Variants in LAMA3 observed in about 807,000 individuals in gnomAD.
LAMA3 encodes the protein laminin subunit alpha-3.
Under a neutral mutation model 402.0 loss-of-function variants are expected in LAMA3, and 281 were observed. That is an observed-to-expected ratio of 0.70 (90% confidence interval 0.63 to 0.77). The LOEUF (loss-of-function observed/expected upper bound fraction) is 0.77. Among genes scored for constraint, LAMA3 ranks in the 30% least tolerant of loss-of-function variants. The pLI, the probability that LAMA3 is intolerant of heterozygous loss-of-function variation, is 0.00. For missense variants in LAMA3, 3,840 were observed against 4,215.5 expected (o/e 0.91, Z 2.47); for synonymous variants, 1,431 against 1,558.4 (o/e 0.92, Z 1.93).
chr18:23,949,666 C>T (rs1042212757), intron 70 of LAMA3, 99 bp from the exon 71 acceptor site: 12 of 1,129,528 alleles, frequency 1.1e-5, no homozygotes, highest in Non-Finnish European at 1.2e-5. Flanking sequence ...TACCTACCTT[C>T]CCCCTTTTGC....
At chr18:23,818,860 A>AT (rs889083525) in intron 18 of LAMA3, among the ~76,000 whole-genome samples, 12 of 151,256 alleles carry the variant, frequency 7.9e-5, no homozygotes, top group East Asian at 1.9e-4. Context: ...ATGGTTATGT[A>AT]TTTTTTTTTA....
At chr18:23,836,532 T>C (rs1308985124) in intron 24 of LAMA3, among the ~76,000 whole-genome samples, 1 of 152,196 alleles carries the variant, frequency 6.6e-6, no homozygotes, top group Non-Finnish European at 1.5e-5. Flanking sequence ...AGAACCAGAC[T>C]GAGTTTCAGA....
At chr18:23,735,780 T>G (rs1462313113) in intron 2 of LAMA3, among the ~76,000 whole-genome samples, 1 of 152,078 alleles carries the variant, frequency 6.6e-6, no homozygotes, top group Non-Finnish European at 1.5e-5. Context: ...AGATGGTGAG[T>G]GTGGAGTCTA....
intron 62 of LAMA3, 120 bp from the exon 63 acceptor site, chr18:23,928,003 T>G: frequency 1.3e-6 from 1 of 787,392 alleles, no homozygotes; most frequent in Non-Finnish European, 2.3e-6. Context: ...TGGGAAAGGA[T>G]AAACATAAAA....
At chr18:23,806,278 T>G (rs2062960605) in intron 12 of LAMA3, among the ~76,000 whole-genome samples, 1 of 152,260 alleles carries the variant, frequency 6.6e-6, no homozygotes. Context: ...ACATCTATTC[T>G]CACAGATATT....
chr18:23,697,990 C>T (rs1019866444), intron 1 of LAMA3, among the ~76,000 whole-genome samples: 1 of 151,944 alleles, frequency 6.6e-6, no homozygotes, highest in African/African-American at 2.4e-5. Context: ...CCCAACTCCT[C>T]TTCTTATAGG....
chr18:23,867,264 A>AT (rs1180596632), intron 36 of LAMA3, among the ~76,000 whole-genome samples: 2 of 151,752 alleles, frequency 1.3e-5, no homozygotes, highest in African/African-American at 4.8e-5. Flanking sequence ...AGTTTAAAAA[A>AT]TTTTTTTTTC....
chr18:23,828,081 C>A (rs1452599648), intron 23 of LAMA3, among the ~76,000 whole-genome samples: 2 of 152,148 alleles, frequency 1.3e-5, no homozygotes, highest in African/African-American at 2.4e-5. Context: ...TCAACCATAA[C>A]AATAAGAATA....
rs267605133 is a variant in LAMA3 at position 23,949,834 on chromosome 18, C to T, written c.9421C>T (p.Pro3141Ser). ...GCTGGATTCAAAACCCTTGTATACC[C>T]CTTCTTCAAGCTTCGGGGTGTCTTC... Reference protein sequence around the residue: ...FQLDSKPLYTPSSSFGVSSCL... With the variant: ...FQLDSKPLYTSSSSFGVSSCL... The change falls in exon 71 of 75, where the codon CCT (proline) becomes TCT (serine). Residue 3141 changes from proline to serine, a missense_variant. By Grantham distance (74) the Pro-to-Ser change is moderately conservative (BLOSUM62 -1). This residue lies in a region of LAMA3 where 840 missense variants were observed against 981.9 expected (regional missense o/e 0.86). Transcript: ENST00000313654. The T allele has an allele frequency of 1.9e-6, 3 of 1,613,986 alleles. No individual in the cohort carries two copies. In the South Asian group the frequency reaches 3.3e-5, roughly 18 times the overall value.
chr18:23,759,330 CAAAAAAAA>C (rs34457452), intron 7 of LAMA3, among the ~76,000 whole-genome samples: 1 of 112,624 alleles, frequency 8.9e-6, no homozygotes, highest in Non-Finnish European at 1.9e-5. Context: ...AAGATCCTGT[CAAAAAAAA>C]AAAAAAAAAA....
chr18:23,861,612 C>G (rs747827542), intron 34 of LAMA3, 34 bp from the exon 35 acceptor site: 1 of 1,613,206 alleles, frequency 6.2e-7, no homozygotes, highest in Non-Finnish European at 8.5e-7. Context: ...ACGACCAAGA[C>G]GTTTCCATCC....
intron 24 of LAMA3, among the ~76,000 whole-genome samples, chr18:23,835,634 A>AT (rs1008485225): frequency 1.7e-4 from 26 of 152,212 alleles, no homozygotes; most frequent in Middle Eastern, 3.4e-3. Context: ...GTCCCGTTCT[A>AT]TTTTTTCACG....
At chr18:23,850,416 C>T (rs770054072) in intron 32 of LAMA3, among the ~76,000 whole-genome samples, 2 of 152,220 alleles carry the variant, frequency 1.3e-5, no homozygotes, top group Non-Finnish European at 2.9e-5. Flanking sequence ...ACTGAGCCTT[C>T]GACTCACCTT....
At chr18:23,872,034 C>T (rs1163634247) in intron 38 of LAMA3, among the ~76,000 whole-genome samples, 2 of 152,160 alleles carry the variant, frequency 1.3e-5, no homozygotes, top group Admixed American at 6.5e-5. Flanking sequence ...GATCACTAAA[C>T]GTTGTATGTG....
At position 23,871,489 on chromosome 18, in the gene LAMA3, T is replaced by C. The variant is rs755092790; in HGVS notation, c.4826T>C (p.Val1609Ala). The change falls in exon 38 of 75, where the codon GTG becomes GCG. Residue 1609 changes from valine to alanine, a missense_variant. Around this residue, in one of 3 missense-constraint regions of LAMA3, gnomAD observed 2,109 missense variants for 2,376.0 expected, o/e 0.89. Transcript: ENST00000313654. The part of the protein sequence containing the change: ...APVSREELMT[V>A]LSRLADVRIQ... ...GTGTCTAGGGAGGAGCTGATGACAG[T>C]GCTGTCTAGACTGGCAGATGTGCGC... The C allele has an allele frequency of 1.9e-6, 3 of 1,614,188 alleles. No individual in the cohort carries two copies. The highest frequency in any genetic ancestry group is 2.5e-6 in the Non-Finnish European group (3 of 1,180,022).
At chr18:23,821,224 GC>G (rs2144393773) in intron 19 of LAMA3, among the ~76,000 whole-genome samples, 1 of 152,276 alleles carries the variant, frequency 6.6e-6, no homozygotes, top group African/African-American at 2.4e-5. Flanking sequence ...GGTGTCCCCA[GC>G]ATCACCACTT....
At chr18:23,695,105 T>C (rs2060659861) in intron 1 of LAMA3, among the ~76,000 whole-genome samples, 1 of 152,168 alleles carries the variant, frequency 6.6e-6, no homozygotes, top group African/African-American at 2.4e-5. Flanking sequence ...CTGAACCCAA[T>C]GCCCAGGACT....
At chr18:23,804,832 T>G (rs1209829586) in intron 12 of LAMA3, among the ~76,000 whole-genome samples, 1 of 152,132 alleles carries the variant, frequency 6.6e-6, no homozygotes, top group Non-Finnish European at 1.5e-5. Context: ...TTTAAAAGTG[T>G]GTGATACCTC....
rs369225052 is a variant in LAMA3 at position 23,779,458 on chromosome 18, C to T, written c.1468+1839C>T. Among the ~76,000 whole-genome samples the T allele has an allele frequency of 1.2e-4, 18 of 152,142 alleles. No homozygotes were observed. The East Asian group carries it at 1.9e-3, about 16-fold the overall frequency. On this transcript the variant is annotated intron_variant, in intron 11 of 74. Transcript: ENST00000313654. ...AGGATTTGCTGAGGGATTGCTAGAC[C>T]GGAAGTAGAATATTAGAGAAAGAGA... is the stretch of plus-strand genomic sequence containing the variant.
Sources: gnomAD v4.1 joint callset for allele counts (sites outside exome capture counted in the v4.1 genomes callset) on GRCh38, gnomAD v4.1.1 for gene constraint, gnomAD v4.1.1 regional missense constraint, MANE v1.5 for transcripts, NCBI Gene and HGNC (gene_info 2026-07-23, HGNC 2026-07-21) for gene names.